Variants in HCFC2 observed in about 807,000 individuals in gnomAD.
The protein encoded by HCFC2 is host cell factor 2.
A neutral mutation model predicts 89.2 loss-of-function variants in HCFC2; 18 were observed. That is an observed-to-expected ratio of 0.20 (90% CI 0.14 to 0.30). The LOEUF (loss-of-function observed/expected upper bound fraction) is 0.30. Ranked by LOEUF, HCFC2 falls within the 10% of genes least tolerant of loss-of-function variation. HCFC2 has a pLI of 1.00. For missense variants in HCFC2, 578 were observed against 956.1 expected (o/e 0.60, Z 5.21); for synonymous variants, 308 against 335.7 (o/e 0.92, Z 0.90).
Position 104,082,817 on chromosome 12 carries a change from T to C in HCFC2, c.979T>C (p.Leu327=), listed in dbSNP as rs2136610637. 4 of 1,613,986 alleles carry C rather than the reference T, an allele frequency of 2.5e-6. No homozygotes were observed. The highest frequency in any genetic ancestry group is 1.7e-5 in the Admixed American group (1 of 59,996). The change falls in exon 7 of 15, where the codon TTG becomes CTG. Residue 327 remains leucine, a synonymous_variant. Coordinates refer to ENST00000229330, the MANE Select transcript of HCFC2 (RefSeq NM_013320.3). ...GHCAVAIGTR[L]YFWSGRDGYK... is the part of the protein sequence containing the mutation. ...CTGTGCTGTTGCAATCGGCACTCGA[T>C]TGTATTTTTGGAGTGGAAGAGATGG...
At chr12:104,065,116 T>A in intron 1 of HCFC2, 1 of 160,868 alleles carries the variant, frequency 6.2e-6, no homozygotes, top group Non-Finnish European at 1.4e-5. Context: ...CTTTCCCGTC[T>A]TTGCCTGCCT....
At position 104,068,187 on chromosome 12, in the gene HCFC2, A is replaced by G; in HGVS notation, c.473+80A>G. On this transcript the variant is annotated intron_variant, in intron 3 of 14. Coordinates refer to ENST00000229330, the MANE Select transcript of HCFC2 (RefSeq NM_013320.3). The surrounding 1 kb of genome is among the most constrained non-coding windows in gnomAD (Gnocchi z 4.1). ...TTTATTTTTTCCATCTTTAATTTTT[A>G]AAAGGGATGATGCTTAGCTTTTTGC... 1 of 1,245,640 alleles carries G rather than the reference A, an allele frequency of 8.0e-7. No homozygotes were observed. The highest frequency in any genetic ancestry group is 1.1e-6 in the Non-Finnish European group (1 of 914,622). 77.2% of individuals were successfully genotyped at this position (1,245,640 alleles called of 1,614,324 possible).
chr12:104,098,453 G>T lies in HCFC2; in HGVS notation c.1851G>T (p.Leu617=). Residue 617 remains leucine, a synonymous_variant, in exon 13 of 15, where the codon CTG becomes CTT. Transcript: ENST00000229330. ...CTTTGGTGAGCCAGTTTTATTTGCTGCCAAAAGGGAAGCAAAGCATCTCAA... is the reference window on the plus strand; with the variant it reads ...CTTTGGTGAGCCAGTTTTATTTGCTTCCAAAAGGGAAGCAAAGCATCTCAA... ...NTALVSQFYL[L]PKGKQSISKV... 1 of 1,606,648 alleles carries T rather than the reference G, an allele frequency of 6.2e-7. No individual in the cohort carries two copies. Among genetic ancestry groups the T allele is most frequent in the Non-Finnish European group, 8.5e-7 (1 of 1,176,788 alleles).
At chr12:104,082,380 C>T (rs539102965) in intron 5 of HCFC2, 120 bp from the exon 6 acceptor site, 7 of 618,616 alleles carry the variant, frequency 1.1e-5, no homozygotes, top group Middle Eastern at 2.7e-4. Context: ...CAATGGTAAG[C>T]GAATGAATAG....
chr12:104,097,999 G>T (rs191607072), intron 12 of HCFC2: 6 of 171,626 alleles, frequency 3.5e-5, no homozygotes, highest in African/African-American at 1.2e-4. Context: ...GTAATGTTAC[G>T]CTAAAGGAAT....
In HCFC2 at chr12:104,103,185, G is replaced by A; in HGVS notation, c.2291G>A (p.Arg764Lys). ...ACATCCAGGCCTGCCATTGTGTTCA[G>A]GATATCAGCAAAGAATGAAAAGGGA... Reference protein sequence around the residue: ...DYTSRPAIVFRISAKNEKGYG... With the variant: ...DYTSRPAIVFKISAKNEKGYG... The change falls in exon 15 of 15, where the codon AGG becomes AAG. Residue 764 changes from arginine to lysine, a missense_variant. Physicochemically the swap from Arg to Lys is conservative, Grantham distance 26 (BLOSUM62 2). Coordinates refer to ENST00000229330, the MANE Select transcript of HCFC2 (RefSeq NM_013320.3). The A allele has an allele frequency of 6.2e-7, 1 of 1,614,054 alleles. No homozygotes were observed. Among genetic ancestry groups the A allele is most frequent in the Non-Finnish European group, 8.5e-7 (1 of 1,179,940 alleles).
In HCFC2 at chr12:104,078,633, C is replaced by T. The variant is rs1323357491; in HGVS notation, c.474-812C>T. Among the ~76,000 whole-genome samples the T allele has an allele frequency of 6.6e-5, 10 of 152,196 alleles. 1 individual carries two copies. In the Middle Eastern group the frequency reaches 0.017, roughly 259 times the overall value. ...TTATCCATATGTGTTTATCCATAGACAGAGGTGTCTTAAGGGATATTTATC... is the reference window on the plus strand; with the variant it reads ...TTATCCATATGTGTTTATCCATAGATAGAGGTGTCTTAAGGGATATTTATC... On this transcript the variant is annotated intron_variant, in intron 3 of 14. Coordinates refer to ENST00000229330, the MANE Select transcript of HCFC2 (RefSeq NM_013320.3).
rs1303566597 is a variant in HCFC2, at chr12:104,064,668, C to A, written c.108C>A (p.Ile36=). 1 of 1,581,262 alleles carries A rather than the reference C, an allele frequency of 6.3e-7. No individual in the cohort carries two copies. Among genetic ancestry groups the A allele is most frequent in the Non-Finnish European group, 8.6e-7 (1 of 1,165,800 alleles). The change falls in exon 1 of 15, where the codon ATC becomes ATA. Residue 36 remains isoleucine (I), a synonymous_variant. Coordinates refer to ENST00000229330, the MANE Select transcript of HCFC2 (RefSeq NM_013320.3). The surrounding 1 kb of genome is among the most constrained non-coding windows in gnomAD (Gnocchi z 7.3). Reference sequence around the variant, plus strand: ...CGGTGGCCATCCGGGAGCTGATGATCATCTTTGGAGGGGGAAATGAGGGCA... The same window carrying A: ...CGGTGGCCATCCGGGAGCTGATGATAATCTTTGGAGGGGGAAATGAGGGCA... ...HRAVAIRELM[I]IFGGGNEGIA...
At chr12:104,097,687 A>G (rs1319241363) in intron 12 of HCFC2, 4 of 966,048 alleles carry the variant, frequency 4.1e-6, no homozygotes, top group Non-Finnish European at 2.5e-6. Flanking sequence ...AGATGGCTTT[A>G]AAAGGTTAGT....
intron 7 of HCFC2, among the ~76,000 whole-genome samples, chr12:104,083,495 T>C (rs1037603721): frequency 2.0e-5 from 3 of 152,184 alleles, no homozygotes; most frequent in African/African-American, 7.2e-5. Context: ...TGATGTTGTG[T>C]TCCGGATTGG....
chr12:104,093,716 A>G (rs1451420953), intron 10 of HCFC2, among the ~76,000 whole-genome samples, 153 bp downstream of exon 10: 1 of 152,200 alleles, frequency 6.6e-6, no homozygotes, highest in Non-Finnish European at 1.5e-5. Context: ...TTAAAATACC[A>G]AGTAAGCACT....
intron 1 of HCFC2, among the ~76,000 whole-genome samples, chr12:104,065,815 C>T (rs1200167740): frequency 6.6e-6 from 1 of 152,160 alleles, no homozygotes; most frequent in Non-Finnish European, 1.5e-5. Context: ...TTTTTATACT[C>T]ACCCAGCAGG....
chr12:104,068,095 A>G lies in HCFC2; in HGVS notation c.461A>G (p.Asn154Ser), dbSNP rs777271824. Residue 154 changes from asparagine to serine, a missense_variant, in exon 3 of 15, where the codon AAT becomes AGT. Asn to Ser is a conservative substitution (Grantham distance 46). Coordinates refer to ENST00000229330, the MANE Select transcript of HCFC2 (RefSeq NM_013320.3). The surrounding 1 kb of genome is among the most constrained non-coding windows in gnomAD (Gnocchi z 4.1). ...GLANESEDSNNNVPRYLNDFY... is the reference protein window; with the variant it reads ...GLANESEDSNSNVPRYLNDFY... ...GCAAACGAAAGCGAAGATTCAAACA[A>G]TAATGTTCCCAGGTATGCTGACTCT... 1.0e-5 allele frequency: 16 copies of G among 1,598,190 alleles called. No individual in the cohort carries two copies. Among genetic ancestry groups the G allele is most frequent in the African/African-American group, 2.7e-5 (2 of 73,832 alleles).
chr12:104,088,379 T>G (rs1883927636), intron 9 of HCFC2, among the ~76,000 whole-genome samples: 1 of 152,226 alleles, frequency 6.6e-6, no homozygotes, highest in East Asian at 1.9e-4. Flanking sequence ...ACTTATGTGT[T>G]TATTATTTTG....
At chr12:104,079,421 T>C (rs751778852) in intron 3 of HCFC2, 24 bp from the exon 4 acceptor site, 1 of 1,541,022 alleles carries the variant, frequency 6.5e-7, no homozygotes, top group East Asian at 2.3e-5. Context: ...TCTGAATGTT[T>C]TAATTTTTTC....
intron 3 of HCFC2, among the ~76,000 whole-genome samples, chr12:104,070,179 C>A (rs1883276364): frequency 6.6e-6 from 1 of 151,950 alleles, no homozygotes. Flanking sequence ...CCCACCACCA[C>A]GCCCTGCTAA....
rs11111887 is a variant in HCFC2, at chr12:104,075,090, C to T, written c.474-4355C>T. 8.9e-3 allele frequency among the ~76,000 whole-genome samples: 1,353 copies of T among 151,476 alleles called. 17 individuals carry two copies. Among genetic ancestry groups the T allele is most frequent in the African/African-American group, 0.032 (1,305 of 41,280 alleles). ...TATAAGACAGCCAGGTGTGGTGGTA[C>T]GCACCTATAGTCCCAGCTGCTTGGG... On this transcript the variant is annotated intron_variant, in intron 3 of 14. Coordinates refer to ENST00000229330, the MANE Select transcript of HCFC2 (RefSeq NM_013320.3).
At chr12:104,097,640 G>T in intron 12 of HCFC2, 1 of 980,620 alleles carries the variant, frequency 1.0e-6, no homozygotes, top group Non-Finnish European at 1.2e-6. Context: ...GTGCACATTT[G>T]TTTTGAGCTT....
At chr12:104,094,274 T>A (rs1884113614) in intron 10 of HCFC2, among the ~76,000 whole-genome samples, 1 of 152,164 alleles carries the variant, frequency 6.6e-6, no homozygotes, top group Non-Finnish European at 1.5e-5. Flanking sequence ...AGTATTTAAA[T>A]GTAATCTCCA....
Sources: allele counts gnomAD v4.1 joint callset (sites outside exome capture counted in the v4.1 genomes callset), GRCh38; gene constraint gnomAD v4.1.1; non-coding constraint Gnocchi (gnomAD v3.1); transcripts MANE v1.5; gene names NCBI Gene and HGNC (gene_info 2026-07-23, HGNC 2026-07-21).